GALNT13: variants seen among roughly 807,000 people sequenced by gnomAD.
GALNT13 encodes polypeptide N-acetylgalactosaminyltransferase 13, also known as UDP-GalNAc:polypeptide N-acetylgalactosaminyltransferase 13.
Under a neutral mutation model 64.2 loss-of-function variants are expected in GALNT13, and 28 were observed. The observed-to-expected ratio is 0.44, with a 90% CI of 0.32 to 0.60. GALNT13 has a LOEUF of 0.60. Ranked by LOEUF, GALNT13 falls within the 20% of genes least tolerant of loss-of-function variation. The pLI is 0.05. For synonymous variants in GALNT13, 214 were observed against 224.6 expected, an observed-to-expected ratio of 0.95 and a Z score of 0.42; for missense variants, 577 against 669.8, an observed-to-expected ratio of 0.86 and a Z score of 1.53.
chr2:154,119,640 C>T (rs1232513270), intron 3 of GALNT13, among the ~76,000 whole-genome samples: 3 of 152,098 alleles, frequency 2.0e-5, no homozygotes, highest in Non-Finnish European at 4.4e-5. Context: ...TTTTGCTCCT[C>T]TGACTGGATT....
the GALNT13 span, among the ~76,000 whole-genome samples, chr2:153,430,336 T>A: frequency 4.6e-5 from 7 of 152,170 alleles, no homozygotes; most frequent in African/African-American, 7.2e-5. Flanking sequence ...GTTGTGAGTT[T>A]TTATGATACC....
At chr2:153,565,052 CA>C in the GALNT13 span, among the ~76,000 whole-genome samples, 1 of 152,108 alleles carries the variant, frequency 6.6e-6, no homozygotes, top group East Asian at 1.9e-4. Context: ...ATTTCTACTT[CA>C]GTGGGTCTCC....
chr2:153,402,327 G>C, the GALNT13 span, among the ~76,000 whole-genome samples: 4 of 151,598 alleles, frequency 2.6e-5, no homozygotes, highest in Non-Finnish European at 5.9e-5. Context: ...CCCTTTGAGG[G>C]TAACCCGACC....
rs34961606 is a variant in GALNT13, at chr2:154,400,931, G to GA, written c.1296+4810dup. Among the ~76,000 whole-genome samples, 1,071 of 150,720 alleles carry GA rather than the reference G, an allele frequency of 7.1e-3. 10 individuals carry two copies. The highest frequency in any genetic ancestry group is 0.023 in the African/African-American group (939 of 41,116). On this transcript the variant is annotated intron_variant, in intron 10 of 12. Coordinates refer to ENST00000392825, the MANE Select transcript of GALNT13 (RefSeq NM_052917.4). ...ATTTTTGGGTTATGACAGGCTTTCT[G>GA]AAAAAAAAATACATTGTGAACTAAA...
chr2:153,637,999 G>A, the GALNT13 span, among the ~76,000 whole-genome samples: 1 of 152,090 alleles, frequency 6.6e-6, no homozygotes, highest in Admixed American at 6.6e-5. Flanking sequence ...CGTGGAAAGG[G>A]GTTTATTTGA....
intron 9 of GALNT13, among the ~76,000 whole-genome samples, chr2:154,363,812 T>C (rs1697211957): frequency 1.3e-5 from 2 of 152,182 alleles, no homozygotes; most frequent in Admixed American, 1.3e-4. Context: ...CATCTGAAAA[T>C]ATCACCCAAG....
chr2:154,261,413 C>T (rs1387645727), intron 8 of GALNT13, among the ~76,000 whole-genome samples: 1 of 152,146 alleles, frequency 6.6e-6, no homozygotes, highest in African/African-American at 2.4e-5. Flanking sequence ...ACTTTCTTCT[C>T]TGTGACATGA....
intron 4 of GALNT13, among the ~76,000 whole-genome samples, chr2:154,193,283 C>T (rs1686697445): frequency 2.0e-5 from 3 of 152,170 alleles, no homozygotes; most frequent in Admixed American, 1.3e-4. Flanking sequence ...ATCTGGCAAT[C>T]TCAAATGATA....
intron 8 of GALNT13, among the ~76,000 whole-genome samples, chr2:154,298,775 TTTA>T (rs1693223986): frequency 8.3e-6 from 1 of 121,152 alleles, no homozygotes; most frequent in Admixed American, 9.8e-5. Flanking sequence ...AAATTATATA[TTTA>T]TTTATATATT....
the GALNT13 span, among the ~76,000 whole-genome samples, chr2:153,113,309 T>C: frequency 6.6e-6 from 1 of 152,054 alleles, no homozygotes; most frequent in South Asian, 2.1e-4. Context: ...TCTAGAAGTA[T>C]TTCCTTTGAT....
At chr2:153,478,729 G>T in the GALNT13 span, 28 of 628,450 alleles carry the variant, frequency 4.5e-5, no homozygotes, top group Non-Finnish European at 1.7e-5. Context: ...TTTCCCAGGA[G>T]CCTCTCCGAC....
the GALNT13 span, among the ~76,000 whole-genome samples, chr2:153,166,736 C>T: frequency 6.6e-6 from 1 of 150,838 alleles, no homozygotes; most frequent in African/African-American, 2.4e-5. Flanking sequence ...TCAAGGACAC[C>T]TGCTCTTGGG....
At chr2:154,181,310 A>G (rs1277146799) in intron 4 of GALNT13, among the ~76,000 whole-genome samples, 1 of 152,170 alleles carries the variant, frequency 6.6e-6, no homozygotes, top group Non-Finnish European at 1.5e-5. Flanking sequence ...ATAAAAATGC[A>G]TCACTTAAAA....
chr2:154,007,941 C>G (rs1289035960), intron 3 of GALNT13, among the ~76,000 whole-genome samples: 2 of 149,016 alleles, frequency 1.3e-5, no homozygotes, highest in African/African-American at 4.9e-5. Flanking sequence ...AAGATAGAAC[C>G]CTTCATATTT....
At chr2:154,119,905 T>C (rs1681834089) in intron 3 of GALNT13, among the ~76,000 whole-genome samples, 2 of 152,234 alleles carry the variant, frequency 1.3e-5, no homozygotes, top group Admixed American at 6.5e-5. Context: ...TTGTGACTTC[T>C]TTTTCAGTCA....
At chr2:153,642,076 T>C in the GALNT13 span, among the ~76,000 whole-genome samples, 1 of 151,988 alleles carries the variant, frequency 6.6e-6, no homozygotes, top group Admixed American at 6.6e-5. Context: ...GGGGAAGTAC[T>C]AAGCTATTTA....
At chr2:154,007,023 C>CA (rs1160782188) in intron 3 of GALNT13, among the ~76,000 whole-genome samples, 1 of 152,144 alleles carries the variant, frequency 6.6e-6, no homozygotes, top group Non-Finnish European at 1.5e-5. Flanking sequence ...ATTAAGGTCC[C>CA]AAATCAGCTG....
At chr2:153,085,727 C>T in the GALNT13 span, among the ~76,000 whole-genome samples, 3 of 152,088 alleles carry the variant, frequency 2.0e-5, no homozygotes, top group Non-Finnish European at 4.4e-5. Context: ...TCTGCTGGGG[C>T]AGTACAGAAG....
chr2:153,354,786 A>G, the GALNT13 span, among the ~76,000 whole-genome samples: 1 of 152,124 alleles, frequency 6.6e-6, no homozygotes, highest in Non-Finnish European at 1.5e-5. Flanking sequence ...TGTATTTTTT[A>G]ATAAAAGGCC....
Sources: gnomAD v4.1 joint callset for allele counts (sites outside exome capture counted in the v4.1 genomes callset) on GRCh38, gnomAD v4.1.1 for gene constraint, MANE v1.5 for transcripts, NCBI Gene and HGNC (gene_info 2026-07-23, HGNC 2026-07-21) for gene names.